The following WDR72 variants were observed in gnomAD, a reference collection of about 807,000 sequenced individuals.
WDR72 encodes WD repeat domain 72, also known as WD repeat-containing protein 72.
In WDR72, 120 loss-of-function variants were observed where a neutral mutation model predicts 124.2. The ratio of observed to expected loss-of-function variants is 0.97; its 90% CI spans 0.83 to 1.12. The LOEUF (loss-of-function observed/expected upper bound fraction) is 1.12, where lower values mean the gene tolerates loss of function less well. Ranked by LOEUF, WDR72 falls within the 50% of genes most tolerant of loss-of-function variation. The probability of loss-of-function intolerance (pLI) is 0.00; values close to 1 mark genes in which losing one functional copy is unlikely to be tolerated. For synonymous variants in WDR72, 452 were observed against 441.7 expected (o/e 1.02, Z -0.29); for missense variants, 1,387 against 1,278.8 (o/e 1.08, Z -1.29).
chr15:53,631,427 T>C (rs761091502), intron 14 of WDR72, among the ~76,000 whole-genome samples: 11 of 152,202 alleles, frequency 7.2e-5, no homozygotes, highest in East Asian at 3.9e-4. Flanking sequence ...TGTTTCTTTA[T>C]AGCAGTGCAA....
chr15:53,522,299 A>G (rs1009200825), intron 19 of WDR72, among the ~76,000 whole-genome samples: 1 of 152,056 alleles, frequency 6.6e-6, no homozygotes, highest in African/African-American at 2.4e-5. Context: ...TCTCTTAACT[A>G]AGCTGACAGG....
intron 18 of WDR72, among the ~76,000 whole-genome samples, chr15:53,542,927 T>A (rs1485368733): frequency 6.6e-6 from 1 of 150,830 alleles, no homozygotes; most frequent in African/African-American, 2.4e-5. Flanking sequence ...AGGGATCAAT[T>A]CAACAAGAAG....
intron 18 of WDR72, among the ~76,000 whole-genome samples, chr15:53,583,848 T>A (rs1240785116): frequency 1.3e-5 from 2 of 152,030 alleles, no homozygotes; most frequent in Non-Finnish European, 2.9e-5. Flanking sequence ...CTTGAAGAGA[T>A]GGATCATGAG....
chr15:53,547,414 G>A (rs1305344412), intron 18 of WDR72, among the ~76,000 whole-genome samples: 1 of 152,190 alleles, frequency 6.6e-6, no homozygotes, highest in Non-Finnish European at 1.5e-5. Flanking sequence ...TTAGAAGCGT[G>A]AGCCACCGTG....
At chr15:53,572,668 A>G (rs1894586045) in intron 18 of WDR72, among the ~76,000 whole-genome samples, 1 of 152,186 alleles carries the variant, frequency 6.6e-6, no homozygotes, top group Non-Finnish European at 1.5e-5. Context: ...TTCTCTGAAG[A>G]ATTTCCTAAA....
At chr15:53,717,509 T>G (rs2017746895) in intron 3 of WDR72, among the ~76,000 whole-genome samples, 1 of 152,184 alleles carries the variant, frequency 6.6e-6, no homozygotes, top group African/African-American at 2.4e-5. Flanking sequence ...ATTTGCAGGC[T>G]TTTTTGTTTT....
rs61501258 is a variant in WDR72 at position 53,608,785 on chromosome 15, T to TAAATAAATAAATAAATAAATAAATAAAA, written c.2952+727_2952+728insTTTTATTTATTTATTTATTTATTTATTT. 5.7e-4 allele frequency among the ~76,000 whole-genome samples: 86 copies of TAAATAAATAAATAAATAAATAAATAAAA among 149,908 alleles called. 1 individual carries two copies. The highest frequency in any genetic ancestry group is 1.5e-3 in the African/African-American group (61 of 40,602). On this transcript the variant is annotated intron_variant, in intron 17 of 19. Coordinates refer to ENST00000360509, the MANE Select transcript of WDR72 (RefSeq NM_182758.4). ...ATAAATAAATAAATAAATAAATAAATATAAAAATAAAAACAATTGAACTCA... is the reference window on the plus strand; with the variant it reads ...ATAAATAAATAAATAAATAAATAAATAAATAAATAAATAAATAAATAAATAAAAATAAAAATAAAAACAATTGAACTCA...
Position 53,650,360 on chromosome 15 carries a change from C to G in WDR72, c.1962+15212G>C, listed in dbSNP as rs141409367. 2.5e-3 allele frequency among the ~76,000 whole-genome samples: 380 copies of G among 152,190 alleles called. 6 individuals carry two copies. The highest frequency in any genetic ancestry group is 8.7e-3 in the African/African-American group (363 of 41,544). On this transcript the variant is annotated intron_variant, in intron 14 of 19. Transcript: ENST00000360509. Reference sequence around the variant, plus strand: ...AGAGATCTGCTGTACAACACTGTACCTAGAGTCAGCAATAACGTACTATAC... The same window carrying G: ...AGAGATCTGCTGTACAACACTGTACGTAGAGTCAGCAATAACGTACTATAC...
intron 18 of WDR72, among the ~76,000 whole-genome samples, chr15:53,535,385 TC>T (rs1330961110): frequency 2.0e-5 from 3 of 152,178 alleles, no homozygotes; most frequent in African/African-American, 7.2e-5. Context: ...GGAACCATGA[TC>T]ATCAACCTTT....
At chr15:53,553,221 C>T (rs116476270) in intron 18 of WDR72, among the ~76,000 whole-genome samples, 1,568 of 152,208 alleles carry the variant, frequency 0.01, 28 homozygotes, top group African/African-American at 0.037. Context: ...TAGAATACAG[C>T]GTCCTTTGAC....
upstream of WDR72, chr15:53,759,685 C>A (rs1595893888): frequency 6.6e-6 from 1 of 152,050 alleles, no homozygotes; most frequent in Non-Finnish European, 1.5e-5. Context: ...GCGGGTCTCG[C>A]CCTTAGGGTC....
Position 53,699,844 on chromosome 15 carries a change from A to C in WDR72, c.1671T>G (p.Leu557=), listed in dbSNP as rs775690171. The C allele has an allele frequency of 5.0e-6, 8 of 1,614,092 alleles. No homozygotes were observed. The highest frequency in any genetic ancestry group is 6.8e-6 in the Non-Finnish European group (8 of 1,180,040). Residue 557 remains leucine, a synonymous_variant, in exon 13 of 20, where the codon CTT becomes CTG. Coordinates refer to ENST00000360509, the MANE Select transcript of WDR72 (RefSeq NM_182758.4). The part of the protein sequence containing the change: ...KSCLLHARKH[L]FPVRMIKWHP... ...GCCATTTTATCATCCTCACAGGAAAAAGGTGCTTCCGGGCATGCAGGAGGC... is the reference window on the plus strand; with the variant it reads ...GCCATTTTATCATCCTCACAGGAAACAGGTGCTTCCGGGCATGCAGGAGGC...
intron 13 of WDR72, among the ~76,000 whole-genome samples, chr15:53,690,305 C>A (rs1011073883): frequency 6.6e-6 from 1 of 152,094 alleles, no homozygotes; most frequent in Non-Finnish European, 1.5e-5. Flanking sequence ...ACATAATATA[C>A]ATTAACTACA....
At chr15:53,683,482 AAAATTTTTTAAAAT>A (rs1181906078) in intron 13 of WDR72, among the ~76,000 whole-genome samples, 1 of 152,126 alleles carries the variant, frequency 6.6e-6, no homozygotes, top group Non-Finnish European at 1.5e-5. Flanking sequence ...GTATCCATAC[AAAATTTTTTAAAAT>A]AAGGATAGTA....
intron 13 of WDR72, among the ~76,000 whole-genome samples, chr15:53,674,114 G>A (rs561337678): frequency 6.6e-6 from 1 of 152,294 alleles, no homozygotes; most frequent in East Asian, 1.9e-4. Context: ...ACATATTATA[G>A]AATTAGGTCT....
intron 5 of WDR72, 121 bp downstream of exon 5, chr15:53,715,072 T>A: frequency 9.1e-7 from 1 of 1,095,042 alleles, no homozygotes. Context: ...CATATCCTCA[T>A]TAACAGGTAA....
intron 13 of WDR72, among the ~76,000 whole-genome samples, chr15:53,693,234 T>C (rs1358802271): frequency 6.6e-6 from 1 of 152,174 alleles, no homozygotes; most frequent in Non-Finnish European, 1.5e-5. Context: ...GAATAGTAGA[T>C]GTTGTCTACC....
At chr15:53,653,195 C>T (rs899983166) in intron 14 of WDR72, among the ~76,000 whole-genome samples, 1 of 152,116 alleles carries the variant, frequency 6.6e-6, no homozygotes, top group African/African-American at 2.4e-5. Context: ...TTTTAGACTT[C>T]AGTAGTTTTC....
intron 18 of WDR72, among the ~76,000 whole-genome samples, chr15:53,555,262 C>T (rs1404155345): frequency 6.6e-6 from 1 of 151,028 alleles, no homozygotes. Flanking sequence ...GGAAACTGTG[C>T]ACCAACTCAG....
Sources: allele counts gnomAD v4.1 joint callset (sites outside exome capture counted in the v4.1 genomes callset), GRCh38; gene constraint gnomAD v4.1.1; transcripts MANE v1.5; gene names NCBI Gene and HGNC (gene_info 2026-07-23, HGNC 2026-07-21).